The following DOCK6 variants were observed in gnomAD, a reference collection of about 807,000 sequenced individuals.
DOCK6 encodes dedicator of cytokinesis protein 6.
A neutral mutation model predicts 230.3 loss-of-function variants in DOCK6; 167 were observed. The observed-to-expected ratio is 0.73, with a 90% CI of 0.64 to 0.82. The LOEUF (loss-of-function observed/expected upper bound fraction) is 0.82, where lower values mean the gene tolerates loss of function less well. Ranked by LOEUF, DOCK6 falls within the 40% of genes least tolerant of loss-of-function variation. The pLI, the probability that DOCK6 is intolerant of heterozygous loss-of-function variation, is 0.00. For missense variants in DOCK6, 2,598 were observed against 2,825.8 expected (o/e 0.92, Z 1.83); for synonymous variants, 1,148 against 1,185.0 (o/e 0.97, Z 0.64).
chr19:11,259,015 C>T (rs189519555), intron 1 of DOCK6, among the ~76,000 whole-genome samples: 124 of 152,072 alleles, frequency 8.2e-4, no homozygotes, highest in African/African-American at 2.9e-3. Context: ...TCCCAAAGTG[C>T]TCGGATTATA....
In DOCK6 at chr19:11,236,942, C is replaced by T. The variant is rs2079858530; in HGVS notation, c.2074-63G>A. 19 of 1,489,428 alleles carry T rather than the reference C, an allele frequency of 1.3e-5. No individual in the cohort carries two copies. Among genetic ancestry groups the T allele is most frequent in the South Asian group, 1.1e-4 (9 of 80,718 alleles). The allele number at this position is 1,489,428 out of a possible 1,614,324, so 92.3% of individuals were successfully genotyped here. ...CTCCCTGACTGATCAGGTCACCCAG[C>T]GGCCCCAGCCATTGCGACACTGCAG... On this transcript the variant is annotated intron_variant, in intron 18 of 47. Coordinates refer to ENST00000294618, the MANE Select transcript of DOCK6 (RefSeq NM_020812.4). This position sits in a 1 kb window ranked among gnomAD's most constrained non-coding sequence, Gnocchi z 5.2.
chr19:11,248,180 CGGGAGGAGCTGGGA>C, intron 6 of DOCK6, 29 bp from the exon 7 acceptor site: 1 of 624,764 alleles, frequency 1.6e-6, no homozygotes, highest in Non-Finnish European at 2.9e-6. Context: ...GGGAGCTGGG[CGGGAGGAGCTGGGA>C]CATCCTCCAG....
intron 35 of DOCK6, among the ~76,000 whole-genome samples, chr19:11,212,809 C>T (rs539827214): frequency 1.1e-3 from 171 of 151,414 alleles, no homozygotes; most frequent in African/African-American, 4.0e-3. Context: ...AAGTGATCCA[C>T]CTGCCTCAGC....
intron 41 of DOCK6, 178 bp downstream of exon 41, chr19:11,203,903 G>T (rs1231972530): frequency 7.9e-6 from 6 of 759,468 alleles, no homozygotes; most frequent in Non-Finnish European, 1.1e-5. Flanking sequence ...GGGGCGGGGG[G>T]TGGGGGCATT....
chr19:11,231,338 G>A (rs1480576477), intron 22 of DOCK6, among the ~76,000 whole-genome samples: 1 of 123,124 alleles, frequency 8.1e-6, no homozygotes, highest in Non-Finnish European at 1.6e-5. Flanking sequence ...TCGGGTCCCA[G>A]CAAAAGATGT....
Position 11,245,915 on chromosome 19 carries a change from A to T in DOCK6, c.807-37T>A, listed in dbSNP as rs1041082898. ...TGGGAGGGAGGGGGCTCTCCTTAAC[A>T]CTTCCCGCTGTCCACACACCCCACT... On this transcript the variant is annotated intron_variant, in intron 7 of 47. Coordinates refer to ENST00000294618, the MANE Select transcript of DOCK6 (RefSeq NM_020812.4). 5.2e-6 allele frequency: 8 copies of T among 1,550,950 alleles called. No homozygotes were observed. The African/African-American group carries it at 8.2e-5, about 16-fold the overall frequency.
rs1344102335 is a variant in DOCK6, at chr19:11,245,619, G to A, written c.967C>T (p.Arg323Cys). Reference sequence around the variant, plus strand: ...TAGGTCACAGAGAAGATGGCAGAGCGGGCCAGGGTGGAGATGGCAGGGTGG... The same window carrying A: ...TAGGTCACAGAGAAGATGGCAGAGCAGGCCAGGGTGGAGATGGCAGGGTGG... ...GTHPAISTLA[R>C]SAIFSVTYPS... is the part of the protein sequence containing the mutation. The change falls in exon 9 of 48, where the codon CGC becomes TGC. Residue 323 changes from arginine (R) to cysteine (C), a missense_variant. Physicochemically the swap from Arg to Cys is radical, Grantham distance 180 (BLOSUM62 -3). Transcript: ENST00000294618. 5.0e-6 allele frequency: 8 copies of A among 1,592,842 alleles called. No homozygotes were observed. Among genetic ancestry groups the A allele is most frequent in the Non-Finnish European group, 6.8e-6 (8 of 1,169,712 alleles).
intron 24 of DOCK6, among the ~76,000 whole-genome samples, chr19:11,224,874 C>T (rs2147790851): frequency 6.6e-6 from 1 of 152,060 alleles, no homozygotes; most frequent in Non-Finnish European, 1.5e-5. Flanking sequence ...ATCAGCCTGG[C>T]CAATATGGTG....
intron 1 of DOCK6, among the ~76,000 whole-genome samples, chr19:11,260,882 C>CAAAAAAAAAAAAAAAAAAA (rs59900669): frequency 9.7e-5 from 6 of 61,748 alleles, no homozygotes; most frequent in African/African-American, 1.4e-4. Flanking sequence ...GACTCTGTCT[C>CAAAAAAAAAAAAAAAAAAA]AAAAAAAAAA....
In DOCK6 at chr19:11,202,574, A is replaced by G. The variant is rs1205374356; in HGVS notation, c.5361+10T>C. 1 of 1,613,958 alleles carries G rather than the reference A, an allele frequency of 6.2e-7. No homozygotes were observed. Among genetic ancestry groups the G allele is most frequent in the South Asian group, 1.1e-5 (1 of 91,084 alleles). On this transcript the variant is annotated intron_variant, in intron 42 of 47. Transcript: ENST00000294618. This position sits in a 1 kb window ranked among gnomAD's most constrained non-coding sequence, Gnocchi z 5.3. Reference sequence around the variant, plus strand: ...CATGCCCCGTTCCACCCCCAACCACAAGGACGTGCCTCCAGCCGGTGTGAG... The same window carrying G: ...CATGCCCCGTTCCACCCCCAACCACGAGGACGTGCCTCCAGCCGGTGTGAG...
chr19:11,242,337 G>C (rs368677941), intron 13 of DOCK6, 130 bp from the exon 14 acceptor site: 1 of 1,001,994 alleles, frequency 1.0e-6, no homozygotes, highest in African/African-American at 1.7e-5. Context: ...TCCCTCAGGC[G>C]CCAAGGCCAG....
At position 11,217,622 on chromosome 19, in the gene DOCK6, G is replaced by A. The variant is rs1270666025; in HGVS notation, c.3551-231C>T. Among the ~76,000 whole-genome samples, 3 of 151,788 alleles carry A rather than the reference G, an allele frequency of 2.0e-5. No homozygotes were observed. The East Asian group carries it at 6.0e-4, about 30-fold the overall frequency. On this transcript the variant is annotated intron_variant, in intron 28 of 47. Coordinates refer to ENST00000294618, the MANE Select transcript of DOCK6 (RefSeq NM_020812.4). ...AATTACAAAAAATTAGCTGGGTGTG[G>A]TGGCGGGCGCCTGTAATCCCAGCTA...
At chr19:11,258,400 A>G (rs2080229638) in intron 1 of DOCK6, among the ~76,000 whole-genome samples, 1 of 150,706 alleles carries the variant, frequency 6.6e-6, no homozygotes, top group African/African-American at 2.4e-5. Context: ...CTTTCAAATT[A>G]TTCTTTAAAC....
intron 5 of DOCK6, 178 bp from the exon 6 acceptor site, chr19:11,251,264 T>A (rs945142237): frequency 1.9e-5 from 12 of 628,340 alleles, no homozygotes; most frequent in Non-Finnish European, 3.3e-5. Context: ...AACTTCTGTC[T>A]GGAGAGCCTC....
At position 11,217,336 on chromosome 19, in the gene DOCK6, G is replaced by T; in HGVS notation, c.3606C>A (p.Gly1202=). The T allele has an allele frequency of 6.2e-7, 1 of 1,613,444 alleles. No individual in the cohort carries two copies. Among genetic ancestry groups the T allele is most frequent in the Non-Finnish European group, 8.5e-7 (1 of 1,179,738 alleles). Residue 1202 remains glycine, a synonymous_variant, in exon 29 of 48, where the codon GGC becomes GGA. Transcript: ENST00000294618. ...TGATGGTACCCGCAATGTCCCCTTC[G>T]CCTTCTGTGTCTGAGTCAAGCATTG... The part of the protein sequence containing the change: ...LASMLDSDTE[G]EGDIAGTINP...
In DOCK6 at chr19:11,243,954, C is replaced by A; in HGVS notation, c.1024-72G>T. ...TGTTCCCCCGTGCTGGCTCCCCAGC[C>A]TCCTGGACCCCTCATGGGCCCTCGG... On this transcript the variant is annotated intron_variant, in intron 9 of 47. Coordinates refer to ENST00000294618, the MANE Select transcript of DOCK6 (RefSeq NM_020812.4). The surrounding 1 kb of genome is among the most constrained non-coding windows in gnomAD (Gnocchi z 6.3). 9 of 1,504,362 alleles carry A rather than the reference C, an allele frequency of 6.0e-6. No individual in the cohort carries two copies. The highest frequency in any genetic ancestry group is 8.2e-6 in the Non-Finnish European group (9 of 1,103,302). The allele number at this position is 1,504,362 out of a possible 1,614,324, so 93.2% of individuals were successfully genotyped here. A position where few individuals can be genotyped will look rare whatever the true frequency, so the allele number is the denominator to read the frequency against.
intron 17 of DOCK6, 28 bp downstream of exon 17, chr19:11,237,612 CA>C (rs766143805): frequency 1.2e-5 from 8 of 665,470 alleles, no homozygotes; most frequent in Middle Eastern, 3.8e-4. Context: ...GAGGAGGGCT[CA>C]GGGGGAGGGA....
Position 11,200,188 on chromosome 19 carries a change from T to A in DOCK6, c.6101+120A>T. On this transcript the variant is annotated intron_variant, in intron 47 of 47. Transcript: ENST00000294618. The surrounding 1 kb of genome is among the most constrained non-coding windows in gnomAD (Gnocchi z 4.3). ...AAAAAAAACCGGAAACAAAACAAAG[T>A]CCAAGCTACCAGCAAACATGTTGCT... 2 of 1,080,842 alleles carry A rather than the reference T, an allele frequency of 1.9e-6. No homozygotes were observed. The highest frequency in any genetic ancestry group is 2.5e-6 in the Non-Finnish European group (2 of 785,354). The allele number at this position is 1,080,842 out of a possible 1,614,324, so 67.0% of individuals were successfully genotyped here.
Position 11,213,348 on chromosome 19 carries a change from C to G in DOCK6, c.4339-20G>C, listed in dbSNP as rs1014962495. On this transcript the variant is annotated intron_variant, in intron 34 of 47. Coordinates refer to ENST00000294618, the MANE Select transcript of DOCK6 (RefSeq NM_020812.4). ...CGGGAACTGCCCCCAAGGACCCAGA[C>G]AGACACTGTCCAGCCCCTCCCCGTT... 1.9e-6 allele frequency: 3 copies of G among 1,605,584 alleles called. No homozygotes were observed. Among genetic ancestry groups the G allele is most frequent in the Non-Finnish European group, 2.5e-6 (3 of 1,177,390 alleles).
Sources: allele counts gnomAD v4.1 joint callset (sites outside exome capture counted in the v4.1 genomes callset), GRCh38; gene constraint gnomAD v4.1.1; non-coding constraint Gnocchi (gnomAD v3.1); transcripts MANE v1.5; gene names NCBI Gene and HGNC (gene_info 2026-07-23, HGNC 2026-07-21).